Variants in NBR1 observed in about 807,000 individuals in gnomAD.
The protein encoded by NBR1 is NBR1 autophagy cargo receptor, also known as next to BRCA1 gene 1 protein.
Under a neutral mutation model 115.5 loss-of-function variants are expected in NBR1, and 59 were observed. The ratio of observed to expected loss-of-function variants is 0.51; its 90% confidence interval spans 0.41 to 0.63. The LOEUF (loss-of-function observed/expected upper bound fraction) is 0.63, where lower values mean the gene tolerates loss of function less well. Ranked by LOEUF, NBR1 falls within the 30% of genes least tolerant of loss-of-function variation. NBR1 has a pLI of 0.00. For synonymous variants in NBR1, 373 were observed against 414.7 expected, an observed-to-expected ratio of 0.90 and a Z score of 1.22; for missense variants, 1,043 against 1,150.5, an observed-to-expected ratio of 0.91 and a Z score of 1.35.
intron 17 of NBR1, 123 bp from the exon 18 acceptor site, chr17:43,201,563 A>T: frequency 3.1e-6 from 2 of 652,458 alleles, no homozygotes; most frequent in Non-Finnish European, 5.5e-6. Flanking sequence ...CAGACATGTG[A>T]TCTGGATCAG....
rs1459200775 is a variant in NBR1 at position 43,196,383 on chromosome 17, G to A, written c.1751-98G>A. ...ATATCTTGGTTTATTTTAGCCCTGC[G>A]GGAGGCAAGAAGCCTACAAACTGCT... On this transcript the variant is annotated intron_variant, in intron 14 of 20. Transcript: ENST00000590996. 33 of 700,718 alleles carry A rather than the reference G, an allele frequency of 4.7e-5. 1 individual carries two copies. The highest frequency in any genetic ancestry group is 1.1e-4 in the African/African-American group (6 of 52,830). The allele number at this position is 700,718 out of a possible 1,614,324, so 43.4% of individuals were successfully genotyped here. A position where few individuals can be genotyped will look rare whatever the true frequency, so the allele number is the denominator to read the frequency against.
intron 5 of NBR1, among the ~76,000 whole-genome samples, chr17:43,182,475 C>G (rs2056695440): frequency 6.6e-6 from 1 of 151,542 alleles, no homozygotes. Context: ...CCTGCCTTGG[C>G]CTGCCAAGGT....
At chr17:43,178,146 T>A (rs1378581602) in intron 3 of NBR1, 148 bp downstream of exon 3, 7 of 962,152 alleles carry the variant, frequency 7.3e-6, no homozygotes, top group Non-Finnish European at 4.5e-6. Flanking sequence ...CTAAGAAGAC[T>A]TGCAGCATCT....
intron 18 of NBR1, 106 bp downstream of exon 18, chr17:43,201,886 T>C: frequency 1.4e-6 from 1 of 724,826 alleles, no homozygotes; most frequent in South Asian, 1.7e-5. Flanking sequence ...TTTTTGAAAC[T>C]TGCCCTTCAC....
Position 43,199,774 on chromosome 17 carries a change from CAT to C in NBR1, c.2027-389_2027-388del, listed in dbSNP as rs1470242792. 3.9e-5 allele frequency among the ~76,000 whole-genome samples: 6 copies of C among 152,268 alleles called. No homozygotes were observed. In the East Asian group the frequency reaches 1.2e-3, roughly 29 times the overall value. On this transcript the variant is annotated intron_variant, in intron 16 of 20. Transcript: ENST00000590996. ...TTTGTAAAGAAGAGGAGGAGATAGACATATAATCCTGCAATACTCATCTCCTA... is the reference window on the plus strand; with the variant it reads ...TTTGTAAAGAAGAGGAGGAGATAGACATAATCCTGCAATACTCATCTCCTA...
In NBR1 at chr17:43,200,411, G is replaced by T; in HGVS notation, c.2271G>T (p.Gln757His). Residue 757 changes from glutamine to histidine, a missense_variant, in exon 17 of 21, where the codon CAG (glutamine) becomes CAT (histidine). Transcript: ENST00000590996. Reference sequence around the variant, plus strand: ...CTATGTACAGCTCTGCGCTCTCACAGCCAGGCCTGGAGCGAGGTGCTGAAG... The same window carrying T: ...CTATGTACAGCTCTGCGCTCTCACATCCAGGCCTGGAGCGAGGTGCTGAAG... Reference protein sequence around the residue: ...GDSMYSSALSQPGLERGAEGK... With the variant: ...GDSMYSSALSHPGLERGAEGK... The T allele has an allele frequency of 6.2e-7, 1 of 1,606,422 alleles. No homozygotes were observed.
In NBR1 at chr17:43,193,352, A is replaced by G; in HGVS notation, c.1238A>G (p.Lys413Arg). The G allele has an allele frequency of 1.9e-6, 3 of 1,613,570 alleles. No individual in the cohort carries two copies. Among genetic ancestry groups the G allele is most frequent in the African/African-American group, 1.3e-5 (1 of 75,026 alleles). Residue 413 changes from lysine to arginine, a missense_variant, in exon 12 of 21, where the codon AAG (lysine) becomes AGG (arginine). Lys to Arg is a conservative substitution (Grantham distance 26). Transcript: ENST00000590996. The part of the protein sequence containing the change: ...NVKWSADTKL[K>R]FMWGNLTLAS... Reference sequence around the variant, plus strand: ...TCTTCTTACTGTTCTTTTCAGCTCAAGTTCATGTGGGGAAACCTGACTTTG... The same window carrying G: ...TCTTCTTACTGTTCTTTTCAGCTCAGGTTCATGTGGGGAAACCTGACTTTG...
At chr17:43,181,657 CTG>C (rs1245724819) in intron 5 of NBR1, among the ~76,000 whole-genome samples, 1 of 149,242 alleles carries the variant, frequency 6.7e-6, no homozygotes, top group African/African-American at 2.5e-5. Context: ...CAGTGAGACT[CTG>C]TCTCAAAACA....
chr17:43,183,570 C>G (rs1337028670), intron 5 of NBR1, among the ~76,000 whole-genome samples: 4 of 152,156 alleles, frequency 2.6e-5, no homozygotes, highest in Non-Finnish European at 5.9e-5. Context: ...GCAATTATGG[C>G]TTACTGCCCC....
chr17:43,211,210 A>G lies in NBR1; in HGVS notation c.*1136A>G, dbSNP rs2057409931. Reference sequence around the variant, plus strand: ...AGCTTGTCCATGAACCCAGGTTCTCACTCTGTTTACAGAAGTGTGTTGAGT... The same window carrying G: ...AGCTTGTCCATGAACCCAGGTTCTCGCTCTGTTTACAGAAGTGTGTTGAGT... On this transcript the variant is annotated 3_prime_UTR_variant, in exon 21 of 21. Coordinates refer to ENST00000590996, the MANE Select transcript of NBR1 (RefSeq NM_005899.5). 1 of 152,822 alleles carries G rather than the reference A, an allele frequency of 6.5e-6. No homozygotes were observed. Among genetic ancestry groups the G allele is most frequent in the Admixed American group, 6.5e-5 (1 of 15,276 alleles). 9.5% of individuals were successfully genotyped at this position (152,822 alleles called of 1,614,324 possible).
intron 5 of NBR1, 145 bp downstream of exon 5, chr17:43,180,962 C>T: frequency 2.3e-6 from 2 of 874,720 alleles, no homozygotes; most frequent in Non-Finnish European, 2.9e-6. Flanking sequence ...GTCTTCACCT[C>T]CCAGGCTTAA....
chr17:43,192,453 C>T (rs1412213710), intron 10 of NBR1, among the ~76,000 whole-genome samples: 3 of 151,956 alleles, frequency 2.0e-5, no homozygotes, highest in African/African-American at 4.8e-5. Context: ...ACTGCAAGCT[C>T]CACCTCCTGG....
intron 1 of NBR1, among the ~76,000 whole-genome samples, chr17:43,172,490 C>A (rs1276845902): frequency 6.6e-6 from 1 of 152,156 alleles, no homozygotes; most frequent in Non-Finnish European, 1.5e-5. Flanking sequence ...TTTCAGAATA[C>A]CCACTTTTGG....
intron 3 of NBR1, 144 bp downstream of exon 3, chr17:43,178,142 A>G (rs1212237926): frequency 4.9e-6 from 5 of 1,014,572 alleles, no homozygotes; most frequent in Admixed American, 4.9e-5. Flanking sequence ...TATTCTAAGA[A>G]GACTTGCAGC....
In NBR1 at chr17:43,193,569, G is replaced by C. The variant is rs374886333; in HGVS notation, c.1455G>C (p.Glu485Asp). Residue 485 changes from glutamate to aspartate, a missense_variant, in exon 12 of 21, where the codon GAG (glutamate) becomes GAC (aspartate). Transcript: ENST00000590996. Reference sequence around the variant, plus strand: ...TAGTAGATCCTTTCCCCTCCGAAGAGAGCCCTGATAACATTGAAAAGGGCA... The same window carrying C: ...TAGTAGATCCTTTCCCCTCCGAAGACAGCCCTGATAACATTGAAAAGGGCA... ...SIIVDPFPSEESPDNIEKGMI... is the reference protein window; with the variant it reads ...SIIVDPFPSEDSPDNIEKGMI... 3.1e-6 allele frequency: 5 copies of C among 1,612,502 alleles called. No homozygotes were observed. The highest frequency in any genetic ancestry group is 4.5e-5 in the East Asian group (2 of 44,848).
chr17:43,175,892 C>T lies in NBR1; in HGVS notation c.93C>T (p.Ile31=), dbSNP rs761505995. The change falls in exon 2 of 21, where the codon ATC becomes ATT. Residue 31 remains isoleucine (I), a synonymous_variant. Transcript: ENST00000590996. ...SDPENTTWAD[I]EAMVKVSFDL... is the part of the protein sequence containing the mutation. ...CAGAAAATACAACTTGGGCTGATAT[C>T]GAAGCTATGGTGAGTGTTACTTTAT... 5.1e-6 allele frequency: 8 copies of T among 1,576,114 alleles called. No homozygotes were observed. In the African/African-American group the frequency reaches 5.4e-5, roughly 11 times the overall value.
chr17:43,202,792 G>C lies in NBR1; in HGVS notation c.2621+80G>C, dbSNP rs770044169. The C allele has an allele frequency of 1.5e-5, 17 of 1,104,154 alleles. No individual in the cohort carries two copies. The East Asian group carries it at 4.1e-4, about 27-fold the overall frequency. The allele number at this position is 1,104,154 out of a possible 1,614,324, so 68.4% of individuals were successfully genotyped here. On this transcript the variant is annotated intron_variant, in intron 19 of 20. Coordinates refer to ENST00000590996, the MANE Select transcript of NBR1 (RefSeq NM_005899.5). ...CTTCTGCTTAAAAGAGCCTCTCACA[G>C]TATGTACCCATCTTCAGAGAGCAGA...
intron 4 of NBR1, among the ~76,000 whole-genome samples, chr17:43,179,678 A>G (rs1597968911): frequency 1.3e-5 from 2 of 152,128 alleles, no homozygotes; most frequent in East Asian, 3.8e-4. Flanking sequence ...TCCCAGTTCA[A>G]CACATATAAG....
intron 18 of NBR1, 44 bp downstream of exon 18, chr17:43,201,824 C>G (rs1343035050): frequency 8.9e-7 from 1 of 1,117,606 alleles, no homozygotes; most frequent in African/African-American, 1.5e-5. Flanking sequence ...CTGCTCCTGT[C>G]TAATGGAAAC....
Sources: allele counts gnomAD v4.1 joint callset (sites outside exome capture counted in the v4.1 genomes callset), GRCh38; gene constraint gnomAD v4.1.1; transcripts MANE v1.5; gene names NCBI Gene and HGNC (gene_info 2026-07-23, HGNC 2026-07-21).